The following CDH11 variants were observed in gnomAD, a reference collection of about 807,000 sequenced individuals.
The protein encoded by CDH11 is cadherin-11.
In CDH11, 11 loss-of-function variants were observed where a neutral mutation model predicts 67.8. That is an observed-to-expected ratio of 0.16 (90% CI 0.10 to 0.27). CDH11 has a LOEUF of 0.27. Ranked by LOEUF, CDH11 falls within the 10% of genes least tolerant of loss-of-function variation. The pLI is 1.00. For synonymous variants in CDH11, 419 were observed against 400.0 expected (o/e 1.05, Z -0.57); for missense variants, 847 against 1,031.2 (o/e 0.82, Z 2.45).
intron 2 of CDH11, among the ~76,000 whole-genome samples, chr16:65,049,692 T>A (rs1007816026): frequency 6.6e-6 from 1 of 152,176 alleles, no homozygotes; most frequent in Non-Finnish European, 1.5e-5. Flanking sequence ...ACCTACCACA[T>A]AAGGGCTTCA....
At chr16:65,091,665 C>CCTCA (rs1241387966) in intron 1 of CDH11, among the ~76,000 whole-genome samples, 2 of 151,836 alleles carry the variant, frequency 1.3e-5, no homozygotes, top group African/African-American at 4.8e-5. Context: ...CATTCTCCTG[C>CCTCA]CTCAGCCTCC....
At chr16:65,029,677 A>C (rs1313491654) in intron 2 of CDH11, among the ~76,000 whole-genome samples, 2 of 152,230 alleles carry the variant, frequency 1.3e-5, no homozygotes, top group Non-Finnish European at 2.9e-5. Context: ...TTATGGGAGA[A>C]CATTGAACGT....
At position 65,104,112 on chromosome 16, in the gene CDH11, T is replaced by C. The variant is rs149677856; in HGVS notation, c.-298+17768A>G. ...AAAACAAAGGATTTGGTGGAGAAAA[T>C]TGAGTTCTTATTTTCAGAGGTATGC... is the stretch of plus-strand genomic sequence containing the variant. On this transcript the variant is annotated intron_variant, in intron 1 of 12. Coordinates refer to ENST00000268603, the MANE Select transcript of CDH11 (RefSeq NM_001797.4). 6.7e-3 allele frequency among the ~76,000 whole-genome samples: 1,022 copies of C among 152,196 alleles called. 15 individuals carry two copies. Among genetic ancestry groups the C allele is most frequent in the African/African-American group, 0.023 (971 of 41,514 alleles).
chr16:65,112,280 C>A (rs2075174209), intron 1 of CDH11, among the ~76,000 whole-genome samples: 1 of 152,038 alleles, frequency 6.6e-6, no homozygotes, highest in Admixed American at 6.5e-5. Flanking sequence ...GCTACAACCA[C>A]CACCAGGACA....
At chr16:64,999,682 A>G (rs2072869534) in intron 3 of CDH11, among the ~76,000 whole-genome samples, 1 of 152,018 alleles carries the variant, frequency 6.6e-6, no homozygotes, top group Non-Finnish European at 1.5e-5. Flanking sequence ...TTACAGGCAC[A>G]TGCTACCATA....
intron 1 of CDH11, among the ~76,000 whole-genome samples, chr16:65,093,763 T>C (rs1226747420): frequency 6.6e-6 from 1 of 152,154 alleles, no homozygotes; most frequent in East Asian, 1.9e-4. Flanking sequence ...TGGAGAAGGA[T>C]ATGATTAAAT....
intron 2 of CDH11, among the ~76,000 whole-genome samples, chr16:65,007,500 C>G (rs1280396917): frequency 6.6e-6 from 1 of 152,112 alleles, no homozygotes; most frequent in Non-Finnish European, 1.5e-5. Flanking sequence ...GCCAAACCGA[C>G]TGTTTGGAAA....
chr16:65,104,054 A>G (rs1308946870), intron 1 of CDH11, among the ~76,000 whole-genome samples: 1 of 152,208 alleles, frequency 6.6e-6, no homozygotes. Context: ...AAGAGTTATC[A>G]TGAAATTACA....
chr16:65,070,898 C>G (rs1263158347), intron 1 of CDH11, among the ~76,000 whole-genome samples: 3 of 152,160 alleles, frequency 2.0e-5, no homozygotes, highest in African/African-American at 7.2e-5. Flanking sequence ...GACAAGGTCA[C>G]AGACTCTGGG....
At chr16:65,109,497 T>C (rs1365197385) in intron 1 of CDH11, among the ~76,000 whole-genome samples, 1 of 152,190 alleles carries the variant, frequency 6.6e-6, no homozygotes, top group Non-Finnish European at 1.5e-5. Context: ...TACCCAATAA[T>C]TGGGCCAACA....
intron 2 of CDH11, among the ~76,000 whole-genome samples, chr16:65,027,328 A>G (rs2073553618): frequency 6.6e-6 from 1 of 152,224 alleles, no homozygotes; most frequent in African/African-American, 2.4e-5. Flanking sequence ...ATGTCTCCCC[A>G]GGCCCAAATA....
chr16:65,119,118 T>C (rs1164901289), intron 1 of CDH11: 1 of 152,210 alleles, frequency 6.6e-6, no homozygotes, highest in Non-Finnish European at 1.5e-5. Context: ...GTTTCCCATA[T>C]GAGGGTCCCC....
chr16:64,988,866 T>C (rs1468295462), intron 6 of CDH11, among the ~76,000 whole-genome samples: 1 of 152,176 alleles, frequency 6.6e-6, no homozygotes, highest in African/African-American at 2.4e-5. Flanking sequence ...ACTCCCCTTA[T>C]TTCACCTCCT....
chr16:65,105,860 C>A (rs568954270), intron 1 of CDH11, among the ~76,000 whole-genome samples: 1 of 152,184 alleles, frequency 6.6e-6, no homozygotes, highest in African/African-American at 2.4e-5. Context: ...TATTTTTCAA[C>A]GTTAAGCAAA....
chr16:65,018,054 G>C (rs927308483), intron 2 of CDH11, among the ~76,000 whole-genome samples: 1 of 152,182 alleles, frequency 6.6e-6, no homozygotes, highest in Non-Finnish European at 1.5e-5. Flanking sequence ...GGCTTTGATG[G>C]AACTTTGTTC....
chr16:65,083,208 A>C (rs1206845065), intron 1 of CDH11, among the ~76,000 whole-genome samples: 2 of 152,140 alleles, frequency 1.3e-5, no homozygotes, highest in East Asian at 3.9e-4. Context: ...TGGAATTTGG[A>C]TCCACGTTTG....
At chr16:65,123,155 G>A (rs759860826), upstream of CDH11, among the ~76,000 whole-genome samples, 22 of 152,120 alleles carry the variant, frequency 1.4e-4, no homozygotes, top group Non-Finnish European at 3.2e-4. Context: ...GGCGCTCGCG[G>A]TACCGGGAAC....
intron 8 of CDH11, among the ~76,000 whole-genome samples, chr16:64,978,939 T>A (rs536540938): frequency 1.6e-4 from 24 of 152,050 alleles, no homozygotes; most frequent in African/African-American, 4.3e-4. Context: ...AAATTAAAAC[T>A]TTTATGCCTC....
At position 65,004,851 on chromosome 16, in the gene CDH11, A is replaced by G. The variant is rs142513653; in HGVS notation, c.19T>C (p.Leu7=). 6 of 1,547,298 alleles carry G rather than the reference A, an allele frequency of 3.9e-6. No homozygotes were observed. Among genetic ancestry groups the G allele is most frequent in the Non-Finnish European group, 5.2e-6 (6 of 1,144,942 alleles). Reference sequence around the variant, plus strand: ...CCCAGGCACACCAGGGCGGCTTGTAAACAGTAGTTCTCCTTCATTTTTGGT... The same window carrying G: ...CCCAGGCACACCAGGGCGGCTTGTAGACAGTAGTTCTCCTTCATTTTTGGT... MKENYC[L]QAALVCLGML... Residue 7 remains leucine, a synonymous_variant, in exon 3 of 13, where the codon TTA becomes CTA. Transcript: ENST00000268603.
Sources: gnomAD v4.1 joint callset for allele counts (sites outside exome capture counted in the v4.1 genomes callset) on GRCh38, gnomAD v4.1.1 for gene constraint, MANE v1.5 for transcripts, NCBI Gene and HGNC (gene_info 2026-07-23, HGNC 2026-07-21) for gene names.